The following FAR2 variants were observed in gnomAD, a reference collection of about 807,000 sequenced individuals.
FAR2 encodes the protein epididymis secretory protein Li 81.
In FAR2, 19 loss-of-function variants were observed where a neutral mutation model predicts 56.0. The ratio of observed to expected loss-of-function variants is 0.34; its 90% CI spans 0.24 to 0.50. FAR2 has a LOEUF of 0.50. Ranked by LOEUF, FAR2 falls within the 20% of genes least tolerant of loss-of-function variation. FAR2 has a pLI of 0.98. For synonymous variants in FAR2, 219 were observed against 218.8 expected (o/e 1.00, Z -0.01); for missense variants, 508 against 642.2 (o/e 0.79, Z 2.26).
chr12:29,295,481 G>A (rs1427573623), intron 3 of FAR2, among the ~76,000 whole-genome samples: 1 of 152,102 alleles, frequency 6.6e-6, no homozygotes, highest in South Asian at 2.1e-4. Flanking sequence ...AGTTTGATTA[G>A]AATTACCTTG....
intron 1 of FAR2, among the ~76,000 whole-genome samples, chr12:29,207,083 T>C (rs1307129883): frequency 3.3e-5 from 5 of 152,092 alleles, no homozygotes. Context: ...AAAAGTCAGG[T>C]TGCATCTGAC....
At chr12:29,240,007 A>G (rs1230380611) in intron 1 of FAR2, among the ~76,000 whole-genome samples, 1 of 152,118 alleles carries the variant, frequency 6.6e-6, no homozygotes, top group Non-Finnish European at 1.5e-5. Context: ...TATGTTTGAG[A>G]TGGTATCTGC....
chr12:29,154,426 G>T (rs201887683), intron 1 of FAR2, among the ~76,000 whole-genome samples: 64 of 112,356 alleles, frequency 5.7e-4, no homozygotes, highest in Middle Eastern at 4.6e-3. Context: ...TTTTTTTTTT[G>T]TTTTGTTTTG....
intron 1 of FAR2, among the ~76,000 whole-genome samples, chr12:29,205,193 G>A (rs1356085472): frequency 6.6e-6 from 1 of 152,186 alleles, no homozygotes; most frequent in East Asian, 1.9e-4. Context: ...GACTGGGTAT[G>A]TTACTACAAG....
chr12:29,163,619 A>T (rs996028947), intron 1 of FAR2, among the ~76,000 whole-genome samples: 4 of 152,194 alleles, frequency 2.6e-5, no homozygotes, highest in African/African-American at 9.7e-5. Context: ...TATGATTTGA[A>T]TTCTGGTGGT....
At chr12:29,159,904 G>C (rs1192969410) in intron 1 of FAR2, among the ~76,000 whole-genome samples, 1 of 152,164 alleles carries the variant, frequency 6.6e-6, no homozygotes, top group Non-Finnish European at 1.5e-5. Flanking sequence ...CTTGGCATAG[G>C]ATCAGTAGTT....
intron 1 of FAR2, among the ~76,000 whole-genome samples, chr12:29,263,067 A>G (rs938238441): frequency 6.6e-6 from 1 of 152,236 alleles, no homozygotes; most frequent in African/African-American, 2.4e-5. Flanking sequence ...TCATTATATA[A>G]TGATAAAGAT....
At chr12:29,303,446 T>A (rs1452289178) in intron 4 of FAR2, among the ~76,000 whole-genome samples, 1 of 152,190 alleles carries the variant, frequency 6.6e-6, no homozygotes, top group Non-Finnish European at 1.5e-5. Flanking sequence ...AATGGAAAGT[T>A]CCTAGTAGAT....
intron 1 of FAR2, among the ~76,000 whole-genome samples, chr12:29,262,915 A>G (rs1169749668): frequency 6.6e-6 from 1 of 152,330 alleles, no homozygotes. Flanking sequence ...CACTTCACCT[A>G]TAAAGATACA....
In FAR2 at chr12:29,330,093, G is replaced by GT. The variant is rs568954491; in HGVS notation, c.1258-2505dup. ...TTTTTTTGAGACCATGTCTTGCTCT[G>GT]TTGCCCAGGCTGGAGTGCAGTGGCA... On this transcript the variant is annotated intron_variant, in intron 10 of 11. Transcript: ENST00000536681. Among the ~76,000 whole-genome samples, 97 of 122,410 alleles carry GT rather than the reference G, an allele frequency of 7.9e-4. No homozygotes were observed. In the East Asian group the frequency reaches 0.021, roughly 26 times the overall value. The allele number at this position is 122,410 out of a possible 152,430, so 80.3% of individuals were successfully genotyped here. A position where few individuals can be genotyped will look rare whatever the true frequency, so the allele number is the denominator to read the frequency against.
intron 1 of FAR2, among the ~76,000 whole-genome samples, chr12:29,231,484 A>G (rs752733753): frequency 2.0e-5 from 3 of 152,226 alleles, no homozygotes; most frequent in Non-Finnish European, 2.9e-5. Context: ...AGAAATGTCA[A>G]TAAGCAATTG....
intron 1 of FAR2, among the ~76,000 whole-genome samples, chr12:29,210,955 A>AC (rs76628168): frequency 3.0e-4 from 46 of 151,796 alleles, no homozygotes; most frequent in Non-Finnish European, 3.2e-4. Context: ...ACAAAAAAAA[A>AC]ACTATATCAT....
At chr12:29,323,064 C>G (rs1949579288) in intron 10 of FAR2, among the ~76,000 whole-genome samples, 1 of 152,262 alleles carries the variant, frequency 6.6e-6, no homozygotes, top group Non-Finnish European at 1.5e-5. Flanking sequence ...TTCCTATTCG[C>G]TCTTCCAACG....
chr12:29,157,449 C>A (rs149153443), intron 1 of FAR2, among the ~76,000 whole-genome samples: 1 of 151,934 alleles, frequency 6.6e-6, no homozygotes, highest in Non-Finnish European at 1.5e-5. Flanking sequence ...GAAGCCCACA[C>A]CTGAAGGGAG....
intron 4 of FAR2, among the ~76,000 whole-genome samples, chr12:29,299,973 G>A (rs1384782835): frequency 6.6e-6 from 1 of 152,160 alleles, no homozygotes; most frequent in Non-Finnish European, 1.5e-5. Flanking sequence ...CTGAATGTCT[G>A]GTTGCTTATC....
chr12:29,162,049 A>G (rs1449324780), intron 1 of FAR2, among the ~76,000 whole-genome samples: 1 of 152,158 alleles, frequency 6.6e-6, no homozygotes, highest in African/African-American at 2.4e-5. Flanking sequence ...GTGCTTTGTC[A>G]ATGTCTTCTC....
At chr12:29,227,670 T>C (rs1250215549) in intron 1 of FAR2, among the ~76,000 whole-genome samples, 1 of 152,174 alleles carries the variant, frequency 6.6e-6, no homozygotes, top group Non-Finnish European at 1.5e-5. Flanking sequence ...TATTAATCAA[T>C]CAATTTTTCA....
rs1351964030 is a variant in FAR2 at position 29,199,234 on chromosome 12, G to A, written c.-39+49827G>A. On this transcript the variant is annotated intron_variant, in intron 1 of 11. Transcript: ENST00000536681. ...CACAATCAGGAATTCAAATTTTATC[G>A]TGAATCATATTAACAAGGCATAAAA... Among the ~76,000 whole-genome samples the A allele has an allele frequency of 1.2e-4, 18 of 152,242 alleles. 1 individual carries two copies. Among genetic ancestry groups the A allele is most frequent in the South Asian group, 4.1e-4 (2 of 4,828 alleles).
chr12:29,216,907 A>G (rs977886380), intron 1 of FAR2, among the ~76,000 whole-genome samples: 1 of 152,256 alleles, frequency 6.6e-6, no homozygotes, highest in Admixed American at 6.5e-5. Flanking sequence ...GTGTGCTCAG[A>G]TATTCACAGT....
Sources: gnomAD v4.1 joint callset for allele counts (sites outside exome capture counted in the v4.1 genomes callset) on GRCh38, gnomAD v4.1.1 for gene constraint, MANE v1.5 for transcripts, NCBI Gene and HGNC (gene_info 2026-07-23, HGNC 2026-07-21) for gene names.